Variants in KIAA0319L observed in about 807,000 individuals in gnomAD.
The protein encoded by KIAA0319L is KIAA0319 like, also known as dyslexia-associated protein KIAA0319-like protein.
KIAA0319L carries 55 observed loss-of-function variants against 120.1 expected under a neutral mutation model. That is an observed-to-expected ratio of 0.46 (90% confidence interval 0.37 to 0.57). The LOEUF (loss-of-function observed/expected upper bound fraction) is 0.57, where lower values mean the gene tolerates loss of function less well. Ranked by LOEUF, KIAA0319L falls within the 20% of genes least tolerant of loss-of-function variation. The pLI, the probability that KIAA0319L is intolerant of heterozygous loss-of-function variation, is 0.00. For synonymous variants in KIAA0319L, 398 were observed against 471.9 expected, an observed-to-expected ratio of 0.84 and a Z score of 2.03; for missense variants, 1,049 against 1,255.3, an observed-to-expected ratio of 0.84 and a Z score of 2.48.
intron 2 of KIAA0319L, among the ~76,000 whole-genome samples, chr1:35,521,527 T>C (rs1388741979): frequency 6.7e-6 from 1 of 149,246 alleles, no homozygotes; most frequent in Admixed American, 6.7e-5. Flanking sequence ...CCAGCTACTC[T>C]GGAAGCTGAG....
In KIAA0319L at chr1:35,460,314, T is replaced by C; in HGVS notation, c.1418A>G (p.Tyr473Cys). ...CTGAATCCTAATTTACCTGAAAGTG[T>C]AGTTCCCAGGGACGAGTTTACTTAG... ...LKLSKLVPGN[Y>C]TFSLTVVDSD... The change falls in exon 9 of 21, where the codon TAC (tyrosine) becomes TGC (cysteine). Residue 473 changes from tyrosine (Y) to cysteine (C), a missense_variant. Coordinates refer to ENST00000325722, the MANE Select transcript of KIAA0319L (RefSeq NM_024874.5). 1 of 1,611,304 alleles carries C rather than the reference T, an allele frequency of 6.2e-7. No homozygotes were observed. Among genetic ancestry groups the C allele is most frequent in the Non-Finnish European group, 8.5e-7 (1 of 1,179,162 alleles).
Position 35,470,893 on chromosome 1 carries a change from C to T in KIAA0319L, c.1083G>A (p.Gly361=), listed in dbSNP as rs1643582379. ...HPRDYSGEME[G]KHSQILKLSK... ...ATAGTTTGAGGATCTGGGAATGTTT[C>T]CCTTCCATTTCTCCACTGTAGTCTC... is the stretch of plus-strand genomic sequence containing the variant. Residue 361 remains glycine (G), a synonymous_variant, in exon 6 of 21, where the codon GGG becomes GGA. Transcript: ENST00000325722. The T allele has an allele frequency of 6.2e-7, 1 of 1,612,902 alleles. No homozygotes were observed. The highest frequency in any genetic ancestry group is 1.3e-5 in the African/African-American group (1 of 74,896).
intron 3 of KIAA0319L, among the ~76,000 whole-genome samples, chr1:35,502,120 T>C (rs1645029256): frequency 6.6e-6 from 1 of 150,932 alleles, no homozygotes; most frequent in Non-Finnish European, 1.5e-5. Context: ...CTACTAAAAA[T>C]ACAAAAAAAG....
chr1:35,478,202 T>C (rs1196246029), intron 4 of KIAA0319L, among the ~76,000 whole-genome samples: 1 of 147,794 alleles, frequency 6.8e-6, no homozygotes, highest in Non-Finnish European at 1.5e-5. Flanking sequence ...TCAAAACAAC[T>C]GAACTCATGG....
At chr1:35,523,242 G>A (rs555918599) in intron 2 of KIAA0319L, among the ~76,000 whole-genome samples, 1 of 152,072 alleles carries the variant, frequency 6.6e-6, no homozygotes, top group East Asian at 1.9e-4. Flanking sequence ...CTCACATGAG[G>A]TTTCAGCTCA....
intron 1 of KIAA0319L, chr1:35,556,432 T>G (rs192357751): frequency 6.6e-6 from 1 of 152,244 alleles, no homozygotes; most frequent in African/African-American, 2.4e-5. Context: ...TTTTAAAAAG[T>G]CTCAGATATT....
In KIAA0319L at chr1:35,434,969, C is replaced by T; in HGVS notation, c.3075G>A (p.Leu1025=). ...TGGGTACAGAGCCATTCTGACCATG[C>T]AGGAGTTTGCCCTTCTCTCGGTCTG... ...TWPDREKGKL[L]HGQNGSVPNG... The change falls in exon 21 of 21, where the codon CTG becomes CTA. Residue 1025 remains leucine, a synonymous_variant. Coordinates refer to ENST00000325722, the MANE Select transcript of KIAA0319L (RefSeq NM_024874.5). 6.2e-7 allele frequency: 1 copy of T among 1,614,168 alleles called. No individual in the cohort carries two copies. The highest frequency in any genetic ancestry group is 8.5e-7 in the Non-Finnish European group (1 of 1,180,042).
chr1:35,523,073 C>T (rs1348682762), intron 2 of KIAA0319L, among the ~76,000 whole-genome samples: 1 of 151,338 alleles, frequency 6.6e-6, no homozygotes, highest in African/African-American at 2.4e-5. Flanking sequence ...ACCTTTCTAG[C>T]TCCAGCTTGT....
chr1:35,484,800 A>AT (rs1185391638), intron 3 of KIAA0319L, among the ~76,000 whole-genome samples: 9 of 16,874 alleles, frequency 5.3e-4, no homozygotes, highest in East Asian at 0.011. Context: ...ATATATATAT[A>AT]TATATATTTT....
At chr1:35,475,236 C>T (rs1643865271) in intron 4 of KIAA0319L, among the ~76,000 whole-genome samples, 1 of 152,118 alleles carries the variant, frequency 6.6e-6, no homozygotes, top group South Asian at 2.1e-4. Flanking sequence ...TATTTTTCCT[C>T]CTTTCTCTCT....
intron 2 of KIAA0319L, among the ~76,000 whole-genome samples, chr1:35,547,490 T>C (rs1647029668): frequency 6.6e-6 from 1 of 151,962 alleles, no homozygotes; most frequent in African/African-American, 2.4e-5. Flanking sequence ...AACAACCCAA[T>C]GTCCATCAAC....
chr1:35,497,367 G>C (rs1644849305), intron 3 of KIAA0319L, among the ~76,000 whole-genome samples: 1 of 151,998 alleles, frequency 6.6e-6, no homozygotes, highest in African/African-American at 2.4e-5. Flanking sequence ...CCTCAATAAA[G>C]TCGTTAAAAA....
At chr1:35,526,303 AC>A (rs1360366861) in intron 2 of KIAA0319L, among the ~76,000 whole-genome samples, 1 of 147,388 alleles carries the variant, frequency 6.8e-6, no homozygotes, top group African/African-American at 2.5e-5. Context: ...ATATATATGT[AC>A]ATATATACAT....
chr1:35,533,824 CA>C (rs1332709456), intron 2 of KIAA0319L, among the ~76,000 whole-genome samples: 3 of 152,196 alleles, frequency 2.0e-5, no homozygotes, highest in Non-Finnish European at 4.4e-5. Context: ...CAAACCTCCT[CA>C]GGGGGCACCC....
At chr1:35,441,249 G>GACACCCCTCTCAGTA in intron 19 of KIAA0319L, 111 bp from the exon 20 acceptor site, 2 of 837,960 alleles carry the variant, frequency 2.4e-6, no homozygotes, top group Non-Finnish European at 4.0e-6. Flanking sequence ...CTACTGAGAG[G>GACACCCCTCTCAGTA]GGTGTCCTCT....
At chr1:35,508,464 C>T (rs1383941449) in intron 2 of KIAA0319L, among the ~76,000 whole-genome samples, 1 of 152,094 alleles carries the variant, frequency 6.6e-6, no homozygotes, top group African/African-American at 2.4e-5. Context: ...AATGTGGAAA[C>T]TAATCAAAGA....
intron 9 of KIAA0319L, among the ~76,000 whole-genome samples, chr1:35,458,941 A>G (rs1642690736): frequency 6.6e-6 from 1 of 152,168 alleles, no homozygotes; most frequent in Admixed American, 6.5e-5. Flanking sequence ...TGTTGAATCA[A>G]TGGAAATCCT....
chr1:35,514,803 C>T (rs1645614068), intron 2 of KIAA0319L, among the ~76,000 whole-genome samples: 1 of 152,176 alleles, frequency 6.6e-6, no homozygotes, highest in Admixed American at 6.5e-5. Context: ...GAGACTTAAA[C>T]ACTCCACTGA....
rs568561232 is a variant in KIAA0319L, at chr1:35,516,335, C to T, written c.143-9200G>A. On this transcript the variant is annotated intron_variant, in intron 2 of 20. Transcript: ENST00000325722. Reference sequence around the variant, plus strand: ...TTGCAAACTGAATCCAGCAGCACATCAAAAAGCTAATCCACCACAATCAAC... The same window carrying T: ...TTGCAAACTGAATCCAGCAGCACATTAAAAAGCTAATCCACCACAATCAAC... 3.8e-3 allele frequency among the ~76,000 whole-genome samples: 585 copies of T among 152,264 alleles called. 2 individuals carry two copies. Among genetic ancestry groups the T allele is most frequent in the Non-Finnish European group, 6.1e-3 (414 of 68,004 alleles).
Sources: allele counts gnomAD v4.1 joint callset (sites outside exome capture counted in the v4.1 genomes callset), GRCh38; gene constraint gnomAD v4.1.1; transcripts MANE v1.5; gene names NCBI Gene and HGNC (gene_info 2026-07-23, HGNC 2026-07-21).